The following CYSLTR1 variants were observed in gnomAD, a reference collection of about 807,000 sequenced individuals.
The protein encoded by CYSLTR1 is G-protein coupled receptor HG55.
A neutral mutation model predicts 2.1 loss-of-function variants in CYSLTR1; 1 was observed. That is an observed-to-expected ratio of 0.48 (90% CI 0.17 to 2.28). The LOEUF is 2.28. CYSLTR1 is among the 30% of genes most tolerant of loss of function. The probability of loss-of-function intolerance (pLI) is 0.26; values close to 1 mark genes in which losing one functional copy is unlikely to be tolerated. For missense variants in CYSLTR1, 299 were observed against 250.1 expected (o/e 1.20, Z -1.32); for synonymous variants, 110 against 89.6 (o/e 1.23, Z -1.28).
At chrX:78,302,907 C>T in intron 1 of CYSLTR1, among the ~76,000 whole-genome samples, 1 of 111,441 alleles carries the variant, frequency 9.0e-6, no homozygotes, top group Non-Finnish European at 1.9e-5. Context: ...CCAGCATTCT[C>T]TTAGCCACCC....
At chrX:78,306,123 T>C (rs1374824324) in intron 1 of CYSLTR1, among the ~76,000 whole-genome samples, 2 of 112,281 alleles carry the variant, frequency 1.8e-5, no homozygotes, top group Admixed American at 1.9e-4. Flanking sequence ...CACTTATTTG[T>C]GGGATCTAAA....
At chrX:78,301,940 A>G (rs939709588) in intron 1 of CYSLTR1, among the ~76,000 whole-genome samples, 25 of 112,352 alleles carry the variant, frequency 2.2e-4, no homozygotes, top group African/African-American at 7.8e-4. Context: ...ACATGGTGGC[A>G]GGCAAGAGAG....
intron 1 of CYSLTR1, among the ~76,000 whole-genome samples, chrX:78,314,476 T>C (rs1923332950): frequency 9.0e-6 from 1 of 111,379 alleles, no homozygotes; most frequent in South Asian, 3.8e-4. Context: ...TGAGTACTCA[T>C]AGTACCTGGT....
rs1238150714 is a variant in CYSLTR1 at position 78,271,707 on chromosome X, T to C, written c.*1026A>G. ...AGTAATAAAGCAATAATAAAACTTA[T>C]CGTGAACTTTCACCCATAATGCATA... On this transcript the variant is annotated 3_prime_UTR_variant, in exon 3 of 3. Transcript: ENST00000373304. The C allele has an allele frequency of 3.6e-5, 4 of 111,970 alleles. No homozygotes were observed. Among genetic ancestry groups the C allele is most frequent in the Non-Finnish European group, 5.6e-5 (3 of 53,209 alleles). The allele number at this position is 111,970 out of a possible 1,213,427, so 9.2% of individuals were successfully genotyped here. A position where few individuals can be genotyped will look rare whatever the true frequency, so the allele number is the denominator to read the frequency against.
At chrX:78,293,704 C>A (rs111273910) in intron 1 of CYSLTR1, among the ~76,000 whole-genome samples, 3,277 of 111,333 alleles carry the variant, frequency 0.029, 61 homozygotes, top group Non-Finnish European at 0.051. Context: ...CTCTAAACTT[C>A]TCTTCTTGCT....
intron 2 of CYSLTR1, among the ~76,000 whole-genome samples, chrX:78,279,576 C>T (rs1921745766): frequency 8.9e-6 from 1 of 112,229 alleles, no homozygotes; most frequent in African/African-American, 3.2e-5. Context: ...ACCATTTTAC[C>T]CAAACAATCC....
At position 78,299,376 on chromosome X, in the gene CYSLTR1, C is replaced by T. The variant is rs371302120; in HGVS notation, c.-114-15836G>A. 8.2e-3 allele frequency among the ~76,000 whole-genome samples: 909 copies of T among 111,239 alleles called. 14 individuals carry two copies. The highest frequency in any genetic ancestry group is 0.028 in the African/African-American group (874 of 30,701). On this transcript the variant is annotated intron_variant, in intron 1 of 2. Transcript: ENST00000373304. The stretch of plus-strand genomic sequence containing the variant: ...TGTTTTTCTGTGTACTTACTATTAC[C>T]AGTAAGTTTTGTACATTCAAGTGAT...
chrX:78,308,121 G>A (rs1256624358), intron 1 of CYSLTR1, among the ~76,000 whole-genome samples: 1 of 110,887 alleles, frequency 9.0e-6, no homozygotes, highest in Non-Finnish European at 1.9e-5. Flanking sequence ...CCTGATTGGT[G>A]TGGAGGAGCA....
At position 78,272,618 on chromosome X, in the gene CYSLTR1, A is replaced by G; in HGVS notation, c.*115T>C. 1 of 734,392 alleles carries G rather than the reference A, an allele frequency of 1.4e-6. No individual in the cohort carries two copies. Among genetic ancestry groups the G allele is most frequent in the Non-Finnish European group, 1.9e-6 (1 of 534,999 alleles). The allele number at this position is 734,392 out of a possible 1,213,427, so 60.5% of individuals were successfully genotyped here. On this transcript the variant is annotated 3_prime_UTR_variant, in exon 3 of 3. Coordinates refer to ENST00000373304, the MANE Select transcript of CYSLTR1 (RefSeq NM_006639.4). Reference sequence around the variant, plus strand: ...AAATGAGATAGAGTTGTAGGCCCAAATAGTTAAGTATTTGTAAAATATTAA... The same window carrying G: ...AAATGAGATAGAGTTGTAGGCCCAAGTAGTTAAGTATTTGTAAAATATTAA...
At position 78,301,614 on chromosome X, in the gene CYSLTR1, A is replaced by G. The variant is rs767074795; in HGVS notation, c.-114-18074T>C. Among the ~76,000 whole-genome samples the G allele has an allele frequency of 2.7e-4, 30 of 111,800 alleles. 1 individual carries two copies. The highest frequency in any genetic ancestry group is 5.5e-4 in the Non-Finnish European group (29 of 53,162). Reference sequence around the variant, plus strand: ...TTTGATTGTCCATATTATTATCAGCATTTTGGTCAAAGCCATTCAACAAGT... The same window carrying G: ...TTTGATTGTCCATATTATTATCAGCGTTTTGGTCAAAGCCATTCAACAAGT... On this transcript the variant is annotated intron_variant, in intron 1 of 2. Transcript: ENST00000373304.
chrX:78,280,254 A>G (rs1162462993), intron 2 of CYSLTR1, among the ~76,000 whole-genome samples: 2 of 111,578 alleles, frequency 1.8e-5, no homozygotes, highest in Non-Finnish European at 3.8e-5. Context: ...GGAAGAAAAA[A>G]AACTGCCTAA....
At chrX:78,295,413 G>A (rs73496895) in intron 1 of CYSLTR1, among the ~76,000 whole-genome samples, 2,044 of 105,494 alleles carry the variant, frequency 0.019, 57 homozygotes, top group African/African-American at 0.067. Flanking sequence ...ATATCCAGCA[G>A]TGGGAGTGCC....
At chrX:78,298,393 A>G (rs573155202) in intron 1 of CYSLTR1, among the ~76,000 whole-genome samples, 2 of 111,483 alleles carry the variant, frequency 1.8e-5, no homozygotes, top group South Asian at 7.4e-4. Context: ...AGATTCTTTT[A>G]GTGTGTAGTG....
At chrX:78,301,108 G>T (rs955412771) in intron 1 of CYSLTR1, among the ~76,000 whole-genome samples, 1 of 112,277 alleles carries the variant, frequency 8.9e-6, no homozygotes, top group African/African-American at 3.2e-5. Context: ...CAAAGCAGGG[G>T]TTCCTGGGCC....
In CYSLTR1 at chrX:78,299,313, G is replaced by A. The variant is rs188999533; in HGVS notation, c.-114-15773C>T. On this transcript the variant is annotated intron_variant, in intron 1 of 2. Coordinates refer to ENST00000373304, the MANE Select transcript of CYSLTR1 (RefSeq NM_006639.4). ...TTTAATCTTTCTACTTAGTATATGA[G>A]TAGTTCACACACTGAGTTACAATGT... is the stretch of plus-strand genomic sequence containing the variant. 3.9e-4 allele frequency among the ~76,000 whole-genome samples: 44 copies of A among 111,397 alleles called. 1 individual carries two copies. Among genetic ancestry groups the A allele is most frequent in the African/African-American group, 1.4e-3 (42 of 30,772 alleles).
chrX:78,284,648 C>T (rs975125852), intron 1 of CYSLTR1, among the ~76,000 whole-genome samples: 2 of 109,385 alleles, frequency 1.8e-5, no homozygotes, highest in African/African-American at 3.3e-5. Flanking sequence ...GTGATCTGCT[C>T]GCTTCAGCCT....
At chrX:78,275,371 T>C (rs1437159051) in intron 2 of CYSLTR1, among the ~76,000 whole-genome samples, 2 of 111,698 alleles carry the variant, frequency 1.8e-5, no homozygotes, top group African/African-American at 6.5e-5. Context: ...AAATGTGGCA[T>C]ATATATACCA....
rs182526792 is a variant in CYSLTR1 at position 78,320,180 on chromosome X, T to C, written c.-115+7125A>G. Reference sequence around the variant, plus strand: ...TTTGGTGTTTTAGACATGAAGTACTTGCCCATGCCTATGTCCTGAATGGTA... The same window carrying C: ...TTTGGTGTTTTAGACATGAAGTACTCGCCCATGCCTATGTCCTGAATGGTA... On this transcript the variant is annotated intron_variant, in intron 1 of 2. Coordinates refer to ENST00000373304, the MANE Select transcript of CYSLTR1 (RefSeq NM_006639.4). 2.8e-4 allele frequency: 31 copies of C among 112,425 alleles called. No individual in the cohort carries two copies. In the Admixed American group the frequency reaches 2.9e-3, roughly 11 times the overall value. 9.3% of individuals were successfully genotyped at this position (112,425 alleles called of 1,213,427 possible). A position where few individuals can be genotyped will look rare whatever the true frequency, so the allele number is the denominator to read the frequency against.
Position 78,273,222 on chromosome X carries a change from C to T in CYSLTR1, c.525G>A (p.Glu175=), listed in dbSNP as rs762901050. ...KDEKNNTKCF[E]PPQDNQTKNH... is the part of the protein sequence containing the mutation. ...TTTTAGTTTGATTGTCTTGTGGGGG[C>T]TCAAAGCACTTGGTATTATTTTTCT... Residue 175 remains glutamate (E), a synonymous_variant, in exon 3 of 3, where the codon GAG becomes GAA. Transcript: ENST00000373304. The T allele has an allele frequency of 6.6e-6, 8 of 1,210,602 alleles. No homozygotes were observed. Among genetic ancestry groups the T allele is most frequent in the Admixed American group, 2.2e-5 (1 of 45,818 alleles).
Sources: gnomAD v4.1 joint callset for allele counts (sites outside exome capture counted in the v4.1 genomes callset) on GRCh38, gnomAD v4.1.1 for gene constraint, MANE v1.5 for transcripts, NCBI Gene and HGNC (gene_info 2026-07-23, HGNC 2026-07-21) for gene names.